The following PITPNM2 variants were observed in gnomAD, a reference collection of about 807,000 sequenced individuals.
PITPNM2 encodes the protein membrane-associated phosphatidylinositol transfer protein 2.
Under a neutral mutation model 132.2 loss-of-function variants are expected in PITPNM2, and 35 were observed. That is an observed-to-expected ratio of 0.26 (90% CI 0.20 to 0.35). The LOEUF (loss-of-function observed/expected upper bound fraction) is 0.35, where lower values mean the gene tolerates loss of function less well. PITPNM2 is among the 10% of genes least tolerant of loss of function. The pLI is 1.00. For missense variants in PITPNM2, 1,332 were observed against 1,912.0 expected, an observed-to-expected ratio of 0.70 and a Z score of 5.66; for synonymous variants, 738 against 799.2, an observed-to-expected ratio of 0.92 and a Z score of 1.29.
intron 2 of PITPNM2, among the ~76,000 whole-genome samples, chr12:123,096,546 A>T (rs956919364): frequency 6.6e-6 from 1 of 152,180 alleles, no homozygotes; most frequent in Non-Finnish European, 1.5e-5. Context: ...GGAATGAGAG[A>T]GAACCCAAAA....
intron 2 of PITPNM2, among the ~76,000 whole-genome samples, chr12:123,065,192 G>A (rs1263144442): frequency 6.6e-6 from 1 of 152,232 alleles, no homozygotes; most frequent in Non-Finnish European, 1.5e-5. Flanking sequence ...AGCTCAAGGG[G>A]CCACCCAGAA....
At chr12:123,025,431 AT>A (rs539043052) in intron 3 of PITPNM2, among the ~76,000 whole-genome samples, 5,099 of 136,042 alleles carry the variant, frequency 0.037, 81 homozygotes, top group African/African-American at 0.052. Flanking sequence ...TGTGGACCAG[AT>A]TTTTTTTTTT....
At chr12:123,041,150 C>G (rs1450411425) in intron 2 of PITPNM2, among the ~76,000 whole-genome samples, 1 of 152,154 alleles carries the variant, frequency 6.6e-6, no homozygotes, top group Non-Finnish European at 1.5e-5. Context: ...TTCATTTTGT[C>G]TTCTGGGGGT....
Position 122,985,911 on chromosome 12 carries a change from G to T in PITPNM2, c.*116C>A. ...GTGGTGCGGCCCGTGTCCTCCACAAGGCCCTGGGACAATCTCCCAGGCCCA... is the reference window on the plus strand; with the variant it reads ...GTGGTGCGGCCCGTGTCCTCCACAATGCCCTGGGACAATCTCCCAGGCCCA... On this transcript the variant is annotated 3_prime_UTR_variant, in exon 26 of 26. Coordinates refer to ENST00000320201, the MANE Select transcript of PITPNM2 (RefSeq NM_020845.3). 1 of 1,004,142 alleles carries T rather than the reference G, an allele frequency of 1.0e-6. No individual in the cohort carries two copies. Among genetic ancestry groups the T allele is most frequent in the Non-Finnish European group, 1.3e-6 (1 of 750,080 alleles). 62.2% of individuals were successfully genotyped at this position (1,004,142 alleles called of 1,614,324 possible).
chr12:123,079,137 G>T (rs1172920547), intron 2 of PITPNM2, among the ~76,000 whole-genome samples: 1 of 152,046 alleles, frequency 6.6e-6, no homozygotes, highest in African/African-American at 2.4e-5. Context: ...TCTCCTTAGG[G>T]CTGGGAGCAC....
intron 2 of PITPNM2, among the ~76,000 whole-genome samples, chr12:123,040,852 A>T (rs1445827167): frequency 2.6e-5 from 4 of 152,140 alleles, no homozygotes; most frequent in African/African-American, 7.2e-5. Context: ...ATACTTTTTT[A>T]AAAAAAGATT....
intron 2 of PITPNM2, among the ~76,000 whole-genome samples, chr12:123,046,893 C>T (rs1239341136): frequency 6.6e-6 from 1 of 152,178 alleles, no homozygotes; most frequent in Non-Finnish European, 1.5e-5. Flanking sequence ...GTGATGGAGT[C>T]AAGTGTATCT....
At chr12:123,053,788 G>C (rs894319971) in intron 2 of PITPNM2, among the ~76,000 whole-genome samples, 1 of 151,782 alleles carries the variant, frequency 6.6e-6, no homozygotes, top group East Asian at 1.9e-4. Context: ...GGTTGGTCTC[G>C]AGCTCCTGAC....
intron 2 of PITPNM2, among the ~76,000 whole-genome samples, chr12:123,035,058 T>C (rs904923048): frequency 4.6e-5 from 7 of 152,188 alleles, no homozygotes; most frequent in African/African-American, 1.7e-4. Flanking sequence ...TAATGATAGC[T>C]GGTCATGGAA....
chr12:122,987,621 C>G lies in PITPNM2; in HGVS notation c.3153G>C (p.Glu1051Asp). The change falls in exon 22 of 26, where the codon GAG becomes GAC. Residue 1051 changes from glutamate (E) to aspartate (D), a missense_variant. Around this residue, in one of 6 missense-constraint regions of PITPNM2, gnomAD observed 251 missense variants for 472.0 expected, o/e 0.53. Coordinates refer to ENST00000320201, the MANE Select transcript of PITPNM2 (RefSeq NM_020845.3). ...TCACCAGCGTATCCAGGTAGAGCCA[C>G]TCGCCTGAGGGCGGCTGGGTCATGA... ...VHIMTQPPSG[E>D]WLYLDTLVTN... 1 of 1,613,892 alleles carries G rather than the reference C, an allele frequency of 6.2e-7. No individual in the cohort carries two copies. The highest frequency in any genetic ancestry group is 8.5e-7 in the Non-Finnish European group (1 of 1,179,982).
intron 1 of PITPNM2, among the ~76,000 whole-genome samples, chr12:123,140,630 C>G (rs545364661): frequency 6.6e-6 from 1 of 152,110 alleles, no homozygotes; most frequent in African/African-American, 2.4e-5. Flanking sequence ...CAGCTGTCAC[C>G]CAGCCAGTCT....
Position 123,083,341 on chromosome 12 carries a change from T to C in PITPNM2, c.-96+27044A>G, listed in dbSNP as rs2042018949. 1 of 152,184 alleles carries C rather than the reference T, an allele frequency of 6.6e-6. No homozygotes were observed. The highest frequency in any genetic ancestry group is 1.5e-5 in the Non-Finnish European group (1 of 68,062). 9.4% of individuals were successfully genotyped at this position (152,184 alleles called of 1,614,324 possible). Reference sequence around the variant, plus strand: ...TAGAATTTCTAAATATACAAACGGATGAACCAATGGATGGATGGATGAATG... The same window carrying C: ...TAGAATTTCTAAATATACAAACGGACGAACCAATGGATGGATGGATGAATG... On this transcript the variant is annotated intron_variant, in intron 2 of 25. Coordinates refer to ENST00000320201, the MANE Select transcript of PITPNM2 (RefSeq NM_020845.3). The surrounding 1 kb of genome is among the most constrained non-coding windows in gnomAD (Gnocchi z 4.5).
chr12:123,105,148 A>G (rs2042676604), intron 2 of PITPNM2, among the ~76,000 whole-genome samples: 1 of 151,988 alleles, frequency 6.6e-6, no homozygotes, highest in Admixed American at 6.5e-5. Context: ...CACCTCCTTC[A>G]GGTCTTCGCC....
At chr12:123,014,181 TC>T in intron 3 of PITPNM2, 139 bp from the exon 4 acceptor site, 1 of 834,592 alleles carries the variant, frequency 1.2e-6, no homozygotes, top group Non-Finnish European at 1.9e-6. Flanking sequence ...CTGTGTCACT[TC>T]CAGGCCCCCA....
intron 14 of PITPNM2, 30 bp from the exon 15 acceptor site, chr12:122,995,009 T>G (rs1433079141): frequency 6.4e-7 from 1 of 1,557,338 alleles, no homozygotes; most frequent in South Asian, 1.2e-5. Flanking sequence ...TTAGCTGTCA[T>G]GTGGGTGCAG....
intron 2 of PITPNM2, chr12:123,088,801 G>C (rs927807813): frequency 6.6e-6 from 1 of 152,128 alleles, no homozygotes; most frequent in Non-Finnish European, 1.5e-5. Context: ...ATCTGAGTAG[G>C]CCCTAAAGTA....
chr12:123,044,343 C>G (rs746357469), intron 2 of PITPNM2, among the ~76,000 whole-genome samples: 1 of 152,218 alleles, frequency 6.6e-6, no homozygotes. Context: ...AATGGCCAGT[C>G]CTTTAGGGGT....
At chr12:123,112,781 G>A (rs914756590) in intron 1 of PITPNM2, among the ~76,000 whole-genome samples, 18 of 151,934 alleles carry the variant, frequency 1.2e-4, no homozygotes, top group African/African-American at 3.6e-4. Context: ...CTCGTGATCC[G>A]CCCACCTCAG....
rs1191010168 is a variant in PITPNM2, at chr12:123,052,025, C to T, written c.-95-17340G>A. 4.0e-5 allele frequency among the ~76,000 whole-genome samples: 6 copies of T among 151,632 alleles called. No homozygotes were observed. In the East Asian group the frequency reaches 5.8e-4, roughly 15 times the overall value. On this transcript the variant is annotated intron_variant, in intron 2 of 25. Coordinates refer to ENST00000320201, the MANE Select transcript of PITPNM2 (RefSeq NM_020845.3). ...TCAAGCAAGTCTCCTGCCTCAGCCT[C>T]CCGGGTAGTTGAGATTACAGGCACA...
Sources: allele counts gnomAD v4.1 joint callset (sites outside exome capture counted in the v4.1 genomes callset), GRCh38; gene constraint gnomAD v4.1.1; regional missense constraint gnomAD v4.1.1; non-coding constraint Gnocchi (gnomAD v3.1); transcripts MANE v1.5; gene names NCBI Gene and HGNC (gene_info 2026-07-23, HGNC 2026-07-21).